Variants in PLA2G4E observed in about 807,000 individuals in gnomAD.
PLA2G4E encodes the protein phospholipase A2 group IVE.
Under a neutral mutation model 109.1 loss-of-function variants are expected in PLA2G4E, and 84 were observed. The observed-to-expected ratio is 0.77, with a 90% CI of 0.65 to 0.92. The LOEUF (loss-of-function observed/expected upper bound fraction) is 0.92. Among genes scored for constraint, PLA2G4E ranks in the 40% least tolerant of loss-of-function variants. The pLI, the probability that PLA2G4E is intolerant of heterozygous loss-of-function variation, is 0.00. For synonymous variants in PLA2G4E, 469 were observed against 436.1 expected (o/e 1.08, Z -0.94); for missense variants, 1,057 against 1,076.6 (o/e 0.98, Z 0.25).
chr15:41,986,150 G>T (rs2068138653), intron 17 of PLA2G4E, 145 bp from the exon 18 acceptor site: 1 of 752,098 alleles, frequency 1.3e-6, no homozygotes, highest in South Asian at 1.8e-5. Context: ...GTGCCCTCTG[G>T]GTGGCTGAGG....
intron 18 of PLA2G4E, 94 bp from the exon 19 acceptor site, chr15:41,984,713 G>C: frequency 2.5e-6 from 3 of 1,203,306 alleles, no homozygotes; most frequent in African/African-American, 1.5e-5. Flanking sequence ...GATTTCCCCA[G>C]CTAACAACTC....
chr15:42,033,901 C>G (rs2141072557), intron 1 of PLA2G4E, among the ~76,000 whole-genome samples: 1 of 152,282 alleles, frequency 6.6e-6, no homozygotes, highest in South Asian at 2.1e-4. Context: ...AATGACACTT[C>G]ACCTCTCTCA....
chr15:42,004,179 G>A (rs1422326651), intron 5 of PLA2G4E, among the ~76,000 whole-genome samples: 1 of 152,144 alleles, frequency 6.6e-6, no homozygotes, highest in Admixed American at 6.5e-5. Context: ...GTGTGTTCCT[G>A]TAATCACAGT....
chr15:42,003,592 A>G (rs2068442662), intron 5 of PLA2G4E, among the ~76,000 whole-genome samples: 1 of 152,232 alleles, frequency 6.6e-6, no homozygotes, highest in African/African-American at 2.4e-5. Flanking sequence ...ATTTTCTTCA[A>G]TGTTAAGTAA....
At chr15:42,029,482 C>T (rs906971661) in intron 1 of PLA2G4E, among the ~76,000 whole-genome samples, 1 of 152,194 alleles carries the variant, frequency 6.6e-6, no homozygotes, top group Non-Finnish European at 1.5e-5. Flanking sequence ...CAGCTAGATG[C>T]CAGGCTTTAT....
At chr15:42,027,187 G>A (rs1399117339) in intron 1 of PLA2G4E, among the ~76,000 whole-genome samples, 1 of 152,136 alleles carries the variant, frequency 6.6e-6, no homozygotes, top group Non-Finnish European at 1.5e-5. Context: ...TTGACAGGAA[G>A]AGGCAGGAAA....
chr15:42,011,830 G>A (rs2141055018), intron 2 of PLA2G4E, among the ~76,000 whole-genome samples: 1 of 152,330 alleles, frequency 6.6e-6, no homozygotes, highest in East Asian at 1.9e-4. Context: ...CCAAGGATGA[G>A]GGTGAACTCT....
intron 1 of PLA2G4E, among the ~76,000 whole-genome samples, chr15:42,037,564 T>A (rs752603823): frequency 1.3e-5 from 2 of 152,226 alleles, no homozygotes; most frequent in Non-Finnish European, 2.9e-5. Context: ...TTCTTCCTGG[T>A]CACAGGACAA....
chr15:42,010,135 C>CCA (rs1555387004), intron 2 of PLA2G4E: 7 of 467,628 alleles, frequency 1.5e-5, no homozygotes, highest in Admixed American at 6.2e-5. Context: ...AACACTGGCC[C>CCA]CCCCACCCCG....
chr15:42,002,838 C>T, intron 5 of PLA2G4E, 142 bp from the exon 6 acceptor site: 2 of 825,008 alleles, frequency 2.4e-6, no homozygotes, highest in East Asian at 5.4e-5. Flanking sequence ...CTTCGGAAAC[C>T]TTAGCCTTAT....
exon 11 of PLA2G4E, chr15:41,997,213 C>T: frequency 6.4e-7 from 1 of 1,551,832 alleles, no homozygotes; most frequent in Non-Finnish European, 8.7e-7. Context: ...AACTCCAGCT[C>T]TGCTGGGCAC....
At chr15:42,003,696 GGCAGTTGACGA>G (rs2068443492) in intron 5 of PLA2G4E, among the ~76,000 whole-genome samples, 1 of 152,212 alleles carries the variant, frequency 6.6e-6, no homozygotes, top group Non-Finnish European at 1.5e-5. Context: ...TTCTCCAAGT[GGCAGTTGACGA>G]GCCCTCTTGT....
At chr15:41,983,119 C>T (rs2068084815) in exon 20 of PLA2G4E, 2 of 152,532 alleles carry the variant, frequency 1.3e-5, no homozygotes, top group African/African-American at 4.8e-5. Context: ...AAAAAATTAG[C>T]TGGGCATGGT....
intron 13 of PLA2G4E, among the ~76,000 whole-genome samples, chr15:41,991,938 G>T (rs1327624328): frequency 6.6e-6 from 1 of 152,144 alleles, no homozygotes; most frequent in Non-Finnish European, 1.5e-5. Flanking sequence ...TGATGTCCAG[G>T]ATCGCAACAC....
chr15:42,010,132 G>GCCCCCCCCC lies in PLA2G4E; in HGVS notation c.257-2268_257-2267insGGGGGGGGG, dbSNP rs202221046. 22 of 428,632 alleles carry GCCCCCCCCC rather than the reference G, an allele frequency of 5.1e-5. 1 individual carries two copies. Among genetic ancestry groups the GCCCCCCCCC allele is most frequent in the South Asian group, 1.2e-4 (6 of 49,610 alleles). The allele number at this position is 428,632 out of a possible 1,614,324, so 26.6% of individuals were successfully genotyped here. ...TTCCCTTGGCTTTTCCAGAACACTG[G>GCCCCCCCCC]CCCCCCCACCCCGGGCCTGGACCAC... On this transcript the variant is annotated intron_variant, in intron 2 of 19. Transcript: ENST00000399518.
At chr15:41,991,469 T>C (rs1200567889) in intron 13 of PLA2G4E, among the ~76,000 whole-genome samples, 2 of 146,570 alleles carry the variant, frequency 1.4e-5, no homozygotes, top group African/African-American at 2.5e-5. Flanking sequence ...GGCCTCTGCC[T>C]GCTCTGCTTC....
chr15:42,005,394 C>T (rs1028010423), intron 4 of PLA2G4E, among the ~76,000 whole-genome samples: 2 of 152,244 alleles, frequency 1.3e-5, no homozygotes, highest in African/African-American at 4.8e-5. Flanking sequence ...GTACTGGAGG[C>T]AAGCCAGGGC....
intron 1 of PLA2G4E, among the ~76,000 whole-genome samples, chr15:42,017,795 C>T (rs1306931931): frequency 6.6e-6 from 1 of 152,226 alleles, no homozygotes; most frequent in African/African-American, 2.4e-5. Context: ...TGCACTCTTA[C>T]TGGCTGTTTC....
rs76597594 is a variant in PLA2G4E, at chr15:41,995,133, C to G, written c.1247+227G>C. On this transcript the variant is annotated intron_variant, in intron 12 of 19. Transcript: ENST00000399518. ...GTAGCGGGAGAGCGTCTTACACCCA[C>G]CGCATGAGGTCAGAGCTACTGTTAT... Among the ~76,000 whole-genome samples, 273 of 152,348 alleles carry G rather than the reference C, an allele frequency of 1.8e-3. 1 individual carries two copies. The highest frequency in any genetic ancestry group is 6.3e-3 in the African/African-American group (260 of 41,584).
Sources: allele counts gnomAD v4.1 joint callset (sites outside exome capture counted in the v4.1 genomes callset), GRCh38; gene constraint gnomAD v4.1.1; transcripts MANE v1.5; gene names NCBI Gene and HGNC (gene_info 2026-07-23, HGNC 2026-07-21).